SEZ6L: variants seen among roughly 807,000 people sequenced by gnomAD.
The protein encoded by SEZ6L is seizure related 6 homolog like.
Under a neutral mutation model 106.2 loss-of-function variants are expected in SEZ6L, and 37 were observed. The observed-to-expected ratio is 0.35, with a 90% CI of 0.27 to 0.46. The LOEUF is 0.46. Ranked by LOEUF, SEZ6L falls within the 20% of genes least tolerant of loss-of-function variation. The pLI is 1.00. For synonymous variants in SEZ6L, 541 were observed against 570.4 expected (o/e 0.95, Z 0.73); for missense variants, 1,172 against 1,332.8 (o/e 0.88, Z 1.88).
At chr22:26,315,782 G>A (rs2081979898) in intron 9 of SEZ6L, among the ~76,000 whole-genome samples, 1 of 152,184 alleles carries the variant, frequency 6.6e-6, no homozygotes, top group African/African-American at 2.4e-5. Flanking sequence ...CCTCATCTGG[G>A]CACGGTAGCT....
At chr22:26,266,666 C>T (rs2080202018) in intron 1 of SEZ6L, among the ~76,000 whole-genome samples, 1 of 152,150 alleles carries the variant, frequency 6.6e-6, no homozygotes, top group East Asian at 1.9e-4. Flanking sequence ...CAGTAAGTGT[C>T]CCCATAGCTC....
intron 1 of SEZ6L, among the ~76,000 whole-genome samples, chr22:26,232,651 A>G (rs117346585): frequency 1.3e-5 from 2 of 152,340 alleles, no homozygotes; most frequent in East Asian, 3.9e-4. Flanking sequence ...CATGCTGTAC[A>G]GGTTTGCAGC....
Position 26,294,440 on chromosome 22 carries a change from G to A in SEZ6L, c.969+15G>A. 1 of 1,611,492 alleles carries A rather than the reference G, an allele frequency of 6.2e-7. No individual in the cohort carries two copies. Among genetic ancestry groups the A allele is most frequent in the Non-Finnish European group, 8.5e-7 (1 of 1,178,340 alleles). On this transcript the variant is annotated intron_variant, in intron 3 of 16. Transcript: ENST00000248933. ...TGGAGCTCCAGGTAACCCCAGGAGAGTACCTCACAGAGGCTGCCTCGTCTA... is the reference window on the plus strand; with the variant it reads ...TGGAGCTCCAGGTAACCCCAGGAGAATACCTCACAGAGGCTGCCTCGTCTA...
chr22:26,207,347 T>A (rs1941327742), intron 1 of SEZ6L, among the ~76,000 whole-genome samples: 1 of 152,224 alleles, frequency 6.6e-6, no homozygotes, highest in Non-Finnish European at 1.5e-5. Flanking sequence ...TATCAATTGT[T>A]GCTTCATCAC....
At chr22:26,379,857 C>T (rs2084357026) in intron 16 of SEZ6L, among the ~76,000 whole-genome samples, 1 of 152,202 alleles carries the variant, frequency 6.6e-6, no homozygotes, top group Admixed American at 6.5e-5. Context: ...AACTCAATGG[C>T]TTAATGCAAC....
intron 9 of SEZ6L, among the ~76,000 whole-genome samples, chr22:26,333,878 A>G (rs2082564593): frequency 6.6e-6 from 1 of 152,200 alleles, no homozygotes. Context: ...TGGAGAATTC[A>G]GAGCACAGGG....
At chr22:26,316,330 G>A (rs1047607816) in intron 9 of SEZ6L, among the ~76,000 whole-genome samples, 1 of 152,170 alleles carries the variant, frequency 6.6e-6, no homozygotes, top group African/African-American at 2.4e-5. Flanking sequence ...CCAGCAGTAG[G>A]CTTAGCACTG....
rs538182242 is a variant in SEZ6L, at chr22:26,219,785, C to T, written c.94+50022C>T. Among the ~76,000 whole-genome samples the T allele has an allele frequency of 9.2e-5, 14 of 152,146 alleles. No homozygotes were observed. In the South Asian group the frequency reaches 2.3e-3, roughly 25 times the overall value. On this transcript the variant is annotated intron_variant, in intron 1 of 16. Transcript: ENST00000248933. The stretch of plus-strand genomic sequence containing the variant: ...GTCACAGGGAAGGGAACAACACACA[C>T]CAAGGCCTGTTGAGGGAGGTAGGGG...
rs938543906 is a variant in SEZ6L, at chr22:26,204,792, G to A, written c.94+35029G>A. On this transcript the variant is annotated intron_variant, in intron 1 of 16. Coordinates refer to ENST00000248933, the MANE Select transcript of SEZ6L (RefSeq NM_021115.5). ...GTTGGAGCTCATCACATTTGCCAAA[G>A]ACAGGAGCAGATATGCTCTAATGAG... 9.8e-5 allele frequency among the ~76,000 whole-genome samples: 15 copies of A among 152,346 alleles called. No homozygotes were observed. The East Asian group carries it at 2.9e-3, about 29-fold the overall frequency.
Position 26,373,461 on chromosome 22 carries a change from C to T in SEZ6L, c.2805C>T (p.Asp935=). 1 of 1,595,178 alleles carries T rather than the reference C, an allele frequency of 6.3e-7. No individual in the cohort carries two copies. Among genetic ancestry groups the T allele is most frequent in the Non-Finnish European group, 8.5e-7 (1 of 1,172,716 alleles). ...GPLPVCKVNQ[D]SFEHALEVAE... ...TGATTTCTCTTTCAGTTAATCAAGA[C>T]AGTTTTGAACATGCTTTAGAAGGTG... The change falls in exon 14 of 17, where the codon GAC becomes GAT. Residue 935 remains aspartate, a synonymous_variant. Transcript: ENST00000248933.
intron 1 of SEZ6L, among the ~76,000 whole-genome samples, chr22:26,204,687 G>A (rs1430763662): frequency 6.6e-6 from 1 of 152,174 alleles, no homozygotes; most frequent in African/African-American, 2.4e-5. Context: ...AGTGGACAGA[G>A]GTGAAGCAGT....
intron 10 of SEZ6L, among the ~76,000 whole-genome samples, chr22:26,343,193 GGTCTCCTGGCTCCT>G (rs1395792526): frequency 7.2e-5 from 11 of 151,998 alleles, no homozygotes; most frequent in African/African-American, 2.7e-4. Context: ...GGAAGTCTCT[GGTCTCCTGGCTCCT>G]GTCTCTCTCC....
In SEZ6L at chr22:26,380,435, G is replaced by C. The variant is rs527895322; in HGVS notation, c.*140G>C. On this transcript the variant is annotated 3_prime_UTR_variant, in exon 17 of 17. Transcript: ENST00000248933. ...TTAGACTCTTTATCAAAGGTTTACTGTTTTCTTCCCTGTATTTATTATATT... is the reference window on the plus strand; with the variant it reads ...TTAGACTCTTTATCAAAGGTTTACTCTTTTCTTCCCTGTATTTATTATATT... The C allele has an allele frequency of 4.7e-6, 3 of 640,878 alleles. No individual in the cohort carries two copies. The East Asian group carries it at 7.8e-5, about 17-fold the overall frequency. 39.7% of individuals were successfully genotyped at this position (640,878 alleles called of 1,614,324 possible). A position where few individuals can be genotyped will look rare whatever the true frequency, so the allele number is the denominator to read the frequency against.
At chr22:26,235,268 T>C (rs2078924156) in intron 1 of SEZ6L, among the ~76,000 whole-genome samples, 1 of 152,170 alleles carries the variant, frequency 6.6e-6, no homozygotes, top group African/African-American at 2.4e-5. Context: ...TAGCACCTCC[T>C]CCATATCCCC....
intron 2 of SEZ6L, among the ~76,000 whole-genome samples, chr22:26,293,709 G>A (rs1405280699): frequency 2.0e-5 from 3 of 152,202 alleles, no homozygotes; most frequent in Non-Finnish European, 4.4e-5. Context: ...TAATGAGCAA[G>A]ATTCAAAACC....
chr22:26,366,890 C>G (rs2083833339), intron 13 of SEZ6L, among the ~76,000 whole-genome samples: 1 of 152,224 alleles, frequency 6.6e-6, no homozygotes, highest in African/African-American at 2.4e-5. Context: ...CTCAAGCGAT[C>G]CTCCCTCCTC....
rs1168728627 is a variant in SEZ6L at position 26,311,829 on chromosome 22, C to A, written c.1743C>A (p.Asp581Glu). ...AGAATGGGAACTTCACTACATCCGA[C>A]CCGACCTATAACATTGGGACTATAG... is the stretch of plus-strand genomic sequence containing the variant. ...YIQNGNFTTSDPTYNIGTIVE... is the reference protein window; with the variant it reads ...YIQNGNFTTSEPTYNIGTIVE... The change falls in exon 8 of 17, where the codon GAC becomes GAA. Residue 581 changes from aspartate to glutamate, a missense_variant. By Grantham distance (45) the Asp-to-Glu change is conservative (BLOSUM62 2). Coordinates refer to ENST00000248933, the MANE Select transcript of SEZ6L (RefSeq NM_021115.5). 6.2e-7 allele frequency: 1 copy of A among 1,614,212 alleles called. No homozygotes were observed. The highest frequency in any genetic ancestry group is 1.7e-5 in the Admixed American group (1 of 60,030).
At chr22:26,297,161 G>C (rs2081327457) in intron 4 of SEZ6L, 81 bp downstream of exon 4, 1 of 1,182,712 alleles carries the variant, frequency 8.5e-7, no homozygotes, top group Non-Finnish European at 1.2e-6. Flanking sequence ...AACTTTTTGT[G>C]CCAGGGACCT....
At chr22:26,240,418 C>T (rs1287584464) in intron 1 of SEZ6L, among the ~76,000 whole-genome samples, 1 of 152,100 alleles carries the variant, frequency 6.6e-6, no homozygotes. Context: ...TGAATGTGGG[C>T]AGTCATTCCT....
Sources: allele counts gnomAD v4.1 joint callset (sites outside exome capture counted in the v4.1 genomes callset), GRCh38; gene constraint gnomAD v4.1.1; transcripts MANE v1.5; gene names NCBI Gene and HGNC (gene_info 2026-07-23, HGNC 2026-07-21).